Variants in ALDH2 observed in about 807,000 individuals in gnomAD.
The protein encoded by ALDH2 is aldehyde dehydrogenase 2 family member.
A neutral mutation model predicts 59.6 loss-of-function variants in ALDH2; 44 were observed. The ratio of observed to expected loss-of-function variants is 0.74; its 90% confidence interval spans 0.58 to 0.95. ALDH2 has a LOEUF of 0.95. ALDH2 is among the 40% of genes least tolerant of loss of function. ALDH2 has a pLI of 0.00. For missense variants in ALDH2, 570 were observed against 696.3 expected (o/e 0.82, Z 2.04); for synonymous variants, 291 against 284.0 (o/e 1.02, Z -0.25).
chr12:111,802,746 G>GAT (rs1432085589), intron 11 of ALDH2, among the ~76,000 whole-genome samples: 3 of 151,290 alleles, frequency 2.0e-5, no homozygotes, highest in African/African-American at 4.9e-5. Context: ...CGGGTGTGGT[G>GAT]GCGGGCACCT....
chr12:111,783,332 A>G, intron 3 of ALDH2, 34 bp downstream of exon 3: 1 of 1,575,534 alleles, frequency 6.3e-7, no homozygotes, highest in Non-Finnish European at 8.7e-7. Flanking sequence ...CTCAGATCCC[A>G]TGTGGTGAAT....
At chr12:111,794,419 G>A (rs2068386753) in intron 9 of ALDH2, among the ~76,000 whole-genome samples, 1 of 152,122 alleles carries the variant, frequency 6.6e-6, no homozygotes, top group African/African-American at 2.4e-5. Flanking sequence ...TTAGCAGTTT[G>A]CATTTCTGAT....
intron 4 of ALDH2, 86 bp from the exon 5 acceptor site, chr12:111,789,737 A>G (rs1182016985): frequency 2.7e-6 from 3 of 1,113,056 alleles, no homozygotes; most frequent in Non-Finnish European, 4.0e-6. Flanking sequence ...ACTCAGCTGG[A>G]CCAGTTTGAG....
At chr12:111,773,141 C>T (rs931091168) in intron 1 of ALDH2, among the ~76,000 whole-genome samples, 3 of 151,952 alleles carry the variant, frequency 2.0e-5, no homozygotes, top group Non-Finnish European at 2.9e-5. Context: ...TCCCAGCTAC[C>T]TGGGAGGCTG....
intron 10 of ALDH2, 49 bp downstream of exon 10, chr12:111,798,291 G>A: frequency 6.6e-7 from 1 of 1,512,490 alleles, no homozygotes; most frequent in Non-Finnish European, 8.8e-7. Flanking sequence ...CGGGAGGTGA[G>A]GTAAACAGTT....
chr12:111,805,976 T>A (rs1048304686), intron 12 of ALDH2, among the ~76,000 whole-genome samples: 6 of 147,234 alleles, frequency 4.1e-5, no homozygotes, highest in Non-Finnish European at 7.5e-5. Context: ...TGAGCCAAGA[T>A]TGCACCACTG....
intron 4 of ALDH2, among the ~76,000 whole-genome samples, chr12:111,787,394 C>T (rs569556661): frequency 6.6e-6 from 1 of 152,282 alleles, no homozygotes; most frequent in Non-Finnish European, 1.5e-5. Context: ...GTTCTTGTAC[C>T]TCCATGCCTG....
intron 12 of ALDH2, among the ~76,000 whole-genome samples, chr12:111,808,978 C>T (rs1207814646): frequency 6.6e-6 from 1 of 152,088 alleles, no homozygotes; most frequent in Non-Finnish European, 1.5e-5. Context: ...GACGCCAGTC[C>T]TGTGATAGGG....
In ALDH2 at chr12:111,817,180, G is replaced by A. The variant is rs2068574235; in HGVS notation, c.*7605G>A. On this transcript the variant is annotated 3_prime_UTR_variant, in exon 13 of 13. Coordinates refer to ENST00000261733, the MANE Select transcript of ALDH2 (RefSeq NM_000690.4). ...TACTGAGTTGTTTGAATAGAACTAT[G>A]CAAAGCTACAGAGGACATCACAACG... 1 of 152,182 alleles carries A rather than the reference G, an allele frequency of 6.6e-6. No individual in the cohort carries two copies. The highest frequency in any genetic ancestry group is 2.1e-4 in the South Asian group (1 of 4,836). 9.4% of individuals were successfully genotyped at this position (152,182 alleles called of 1,614,324 possible).
chr12:111,781,776 G>T (rs1386380157), intron 1 of ALDH2, 142 bp from the exon 2 acceptor site: 2 of 617,954 alleles, frequency 3.2e-6, no homozygotes, highest in African/African-American at 1.9e-5. Flanking sequence ...TGTCTGCAAG[G>T]CCTGTGCTTT....
At position 111,792,697 on chromosome 12, in the gene ALDH2, A is replaced by G. The variant is rs756266195; in HGVS notation, c.998A>G (p.Asp333Gly). Residue 333 changes from aspartate to glycine, a missense_variant, in exon 9 of 13, where the codon GAT (aspartate) becomes GGT (glycine). Asp to Gly is a moderately conservative substitution (Grantham distance 94). Coordinates refer to ENST00000261733, the MANE Select transcript of ALDH2 (RefSeq NM_000690.4). ...ACCTTCGTGCAGGAGGACATCTATGATGAGTTTGTGGAGCGGAGCGTTGCC... is the reference window on the plus strand; with the variant it reads ...ACCTTCGTGCAGGAGGACATCTATGGTGAGTTTGTGGAGCGGAGCGTTGCC... ...SRTFVQEDIY[D>G]EFVERSVARA... 2 of 1,603,566 alleles carry G rather than the reference A, an allele frequency of 1.2e-6. No individual in the cohort carries two copies. The highest frequency in any genetic ancestry group is 1.1e-5 in the South Asian group (1 of 89,550).
At chr12:111,800,192 T>C in intron 11 of ALDH2, 129 bp downstream of exon 11, 1 of 1,211,588 alleles carries the variant, frequency 8.3e-7, no homozygotes, top group South Asian at 1.6e-5. Flanking sequence ...CAGGGTGTGA[T>C]GTCGATTTGA....
At chr12:111,781,854 C>A in intron 1 of ALDH2, 64 bp from the exon 2 acceptor site, 9 of 1,121,290 alleles carry the variant, frequency 8.0e-6, no homozygotes, top group African/African-American at 1.6e-5. Context: ...TTTTTCCTTA[C>A]AATACTGGTA....
chr12:111,813,985 A>C lies in ALDH2; in HGVS notation c.*4410A>C, dbSNP rs1270170499. On this transcript the variant is annotated 3_prime_UTR_variant, in exon 13 of 13. Coordinates refer to ENST00000261733, the MANE Select transcript of ALDH2 (RefSeq NM_000690.4). ...AGTGGCTCACACCCGTAATCCCAGC[A>C]CTTTGGGAGGCCGAGGTGGGCGGAT... The C allele has an allele frequency of 6.6e-6, 1 of 152,334 alleles. No individual in the cohort carries two copies. Among genetic ancestry groups the C allele is most frequent in the Non-Finnish European group, 1.5e-5 (1 of 68,138 alleles). 9.4% of individuals were successfully genotyped at this position (152,334 alleles called of 1,614,324 possible). A position where few individuals can be genotyped will look rare whatever the true frequency, so the allele number is the denominator to read the frequency against.
intron 1 of ALDH2, among the ~76,000 whole-genome samples, chr12:111,772,038 G>T (rs1273802837): frequency 3.9e-5 from 6 of 152,018 alleles, no homozygotes. Flanking sequence ...GGCAGAGGTT[G>T]CAGTGAGCCG....
At chr12:111,799,323 G>A (rs369012981) in intron 10 of ALDH2, among the ~76,000 whole-genome samples, 6 of 151,428 alleles carry the variant, frequency 4.0e-5, no homozygotes, top group African/African-American at 1.2e-4. Context: ...ACACCACCAC[G>A]CCCAGCTAAT....
intron 2 of ALDH2, 143 bp downstream of exon 2, chr12:111,782,165 A>G (rs1406831918): frequency 3.9e-5 from 25 of 634,972 alleles, no homozygotes; most frequent in East Asian, 1.1e-4. Context: ...AAATTAATCA[A>G]TAGAAACTTG....
Position 111,788,210 on chromosome 12 carries a change from C to CA in ALDH2, c.441-1605dup, listed in dbSNP as rs34587287. On this transcript the variant is annotated intron_variant, in intron 4 of 12. Coordinates refer to ENST00000261733, the MANE Select transcript of ALDH2 (RefSeq NM_000690.4). ...GGGAGACAAGAGCGAGACTTCGTCT[C>CA]AAAAAAAAGAAAAAAAAAAAGAAAA... is the stretch of plus-strand genomic sequence containing the variant. 2.7e-5 allele frequency among the ~76,000 whole-genome samples: 4 copies of CA among 146,010 alleles called. 1 individual carries two copies. The highest frequency in any genetic ancestry group is 2.2e-4 in the South Asian group (1 of 4,566).
intron 1 of ALDH2, 76 bp downstream of exon 1, chr12:111,767,172 G>A (rs768164687): frequency 1.6e-5 from 20 of 1,222,530 alleles, no homozygotes; most frequent in Non-Finnish European, 2.1e-5. Context: ...GCCCCGCGCC[G>A]CCGTGGGCCT....
Sources: gnomAD v4.1 joint callset for allele counts (sites outside exome capture counted in the v4.1 genomes callset) on GRCh38, gnomAD v4.1.1 for gene constraint, MANE v1.5 for transcripts, NCBI Gene and HGNC (gene_info 2026-07-23, HGNC 2026-07-21) for gene names.